ITGAM: variants seen among roughly 807,000 people sequenced by gnomAD.
ITGAM encodes integrin alpha-M.
ITGAM carries 79 observed loss-of-function variants against 137.5 expected under a neutral mutation model. The ratio of observed to expected loss-of-function variants is 0.57; its 90% confidence interval spans 0.48 to 0.69. The LOEUF is 0.69. Among genes scored for constraint, ITGAM ranks in the 30% least tolerant of loss-of-function variants. The pLI is 0.00. For missense variants in ITGAM, 1,343 were observed against 1,483.5 expected, an observed-to-expected ratio of 0.91 and a Z score of 1.56; for synonymous variants, 583 against 592.3, an observed-to-expected ratio of 0.98 and a Z score of 0.23.
At position 31,297,944 on chromosome 16, in the gene ITGAM, C is replaced by T. The variant is rs753778747; in HGVS notation, c.1697C>T (p.Ser566Phe). The change falls in exon 14 of 30, where the codon TCC (serine) becomes TTC (phenylalanine). Residue 566 changes from serine (S) to phenylalanine (F), a missense_variant. Transcript: ENST00000544665. The stretch of plus-strand genomic sequence containing the variant: ...ACCTCAGGATCTGGCATCAGCCCCT[C>T]CCATAGCCAGGTGAGACCTGGTCAC... ...HGTSGSGISP[S>F]HSQRIAGSKL... 7.1e-5 allele frequency: 114 copies of T among 1,613,390 alleles called. No homozygotes were observed. The highest frequency in any genetic ancestry group is 5.8e-4 in the Admixed American group (35 of 59,922).
chr16:31,320,461 A>G (rs966669044), intron 14 of ITGAM, among the ~76,000 whole-genome samples: 1 of 152,188 alleles, frequency 6.6e-6, no homozygotes, highest in Non-Finnish European at 1.5e-5. Flanking sequence ...ATTTTTTTCA[A>G]TATTACTCTT....
At position 31,271,156 on chromosome 16, in the gene ITGAM, G is replaced by A. The variant is rs2079835485; in HGVS notation, c.558+72G>A. 10 of 1,290,236 alleles carry A rather than the reference G, an allele frequency of 7.8e-6. No individual in the cohort carries two copies. The South Asian group carries it at 1.9e-4, about 25-fold the overall frequency. 79.9% of individuals were successfully genotyped at this position (1,290,236 alleles called of 1,614,324 possible). A position where few individuals can be genotyped will look rare whatever the true frequency, so the allele number is the denominator to read the frequency against. ...AGATACATGGCAACCGGGCCACCAT[G>A]TTCTCCTCCCAGTTCAACTGCAGAC... On this transcript the variant is annotated intron_variant, in intron 6 of 29. Coordinates refer to ENST00000544665, the MANE Select transcript of ITGAM (RefSeq NM_000632.4).
At position 31,271,051 on chromosome 16, in the gene ITGAM, T is replaced by C; in HGVS notation, c.525T>C (p.Thr175=). 1 of 1,580,104 alleles carries C rather than the reference T, an allele frequency of 6.3e-7. No homozygotes were observed. The highest frequency in any genetic ancestry group is 2.3e-5 in the East Asian group (1 of 43,196). The change falls in exon 6 of 30, where the codon ACT becomes ACC. Residue 175 remains threonine, a synonymous_variant. Transcript: ENST00000544665. ...DFRRMKEFVS[T]VMEQLKKSKT... ...GGCGGATGAAGGAGTTTGTCTCAAC[T>C]GTGATGGAGCAATTAAAAAAGTCCA... is the stretch of plus-strand genomic sequence containing the variant.
At chr16:31,285,457 C>T (rs1397904761) in intron 12 of ITGAM, among the ~76,000 whole-genome samples, 2 of 151,972 alleles carry the variant, frequency 1.3e-5, no homozygotes, top group African/African-American at 4.8e-5. Flanking sequence ...AACTCTGTCT[C>T]TACTAAAAAT....
intron 2 of ITGAM, among the ~76,000 whole-genome samples, chr16:31,262,337 ATCCTTCCTTCCTTCCTTCCT>A (rs71151462): frequency 0.025 from 2,202 of 89,092 alleles, 47 homozygotes; most frequent in Non-Finnish European, 0.033. Flanking sequence ...CCTCCCTTCC[ATCCTTCCTTCCTTCCTTCCT>A]TCCTTCCTTC....
intron 29 of ITGAM, 107 bp from the exon 30 acceptor site, chr16:31,331,529 C>G: frequency 1.5e-6 from 1 of 652,904 alleles, no homozygotes; most frequent in South Asian, 1.8e-5. Flanking sequence ...GCCCCGCCCT[C>G]CTGGGTCCCT....
intron 12 of ITGAM, among the ~76,000 whole-genome samples, chr16:31,280,664 A>T (rs1452967695): frequency 6.6e-6 from 1 of 152,232 alleles, no homozygotes; most frequent in Non-Finnish European, 1.5e-5. Context: ...TTCTAAATAT[A>T]CAATCATGTC....
intron 22 of ITGAM, among the ~76,000 whole-genome samples, chr16:31,327,698 G>A (rs926500943): frequency 3.3e-5 from 5 of 152,050 alleles, no homozygotes; most frequent in African/African-American, 4.8e-5. Flanking sequence ...AAGACAGAAG[G>A]CAGGAAGCAG....
intron 5 of ITGAM, among the ~76,000 whole-genome samples, chr16:31,270,130 C>CTTCCTCCTT (rs770982735): frequency 6.6e-5 from 6 of 90,748 alleles, no homozygotes; most frequent in Non-Finnish European, 1.2e-4. Flanking sequence ...TCCTTCCTTC[C>CTTCCTCCTT]TCCTTTGCTT....
At chr16:31,305,940 C>T (rs1450958777) in intron 14 of ITGAM, among the ~76,000 whole-genome samples, 2 of 151,732 alleles carry the variant, frequency 1.3e-5, no homozygotes, top group African/African-American at 4.8e-5. Context: ...TTTGTTATAT[C>T]CTTTTCTGGT....
chr16:31,261,825 C>T (rs1432369990), intron 2 of ITGAM, 28 bp downstream of exon 2: 1 of 1,445,580 alleles, frequency 6.9e-7, no homozygotes, highest in Non-Finnish European at 9.7e-7. Flanking sequence ...AGCCCCCTTT[C>T]TCAGTGCTTT....
intron 12 of ITGAM, among the ~76,000 whole-genome samples, chr16:31,290,481 A>G (rs1487249826): frequency 6.6e-6 from 1 of 152,204 alleles, no homozygotes; most frequent in Non-Finnish European, 1.5e-5. Context: ...AGAAGAAAAA[A>G]CATGTAACCA....
intron 14 of ITGAM, 51 bp from the exon 15 acceptor site, chr16:31,321,190 C>T: frequency 1.2e-6 from 2 of 1,604,484 alleles, no homozygotes; most frequent in African/African-American, 1.3e-5. Flanking sequence ...AGTTATACAT[C>T]TCCTGTCTTT....
chr16:31,270,103 A>ATCCTTCCTTCCTTCCTTCCTTCCT lies in ITGAM; in HGVS notation c.428-846_428-823dup, dbSNP rs371263313. 1.2e-3 allele frequency among the ~76,000 whole-genome samples: 170 copies of ATCCTTCCTTCCTTCCTTCCTTCCT among 140,074 alleles called. 2 individuals carry two copies. Among genetic ancestry groups the ATCCTTCCTTCCTTCCTTCCTTCCT allele is most frequent in the African/African-American group, 4.5e-3 (160 of 35,658 alleles). 91.9% of individuals were successfully genotyped at this position (140,074 alleles called of 152,430 possible). Reference sequence around the variant, plus strand: ...TCTACTCCTTTTGTATATCTGGCAAATCCTTCCTTCCTTCCTTCCTTCCTT... The same window carrying ATCCTTCCTTCCTTCCTTCCTTCCT: ...TCTACTCCTTTTGTATATCTGGCAAATCCTTCCTTCCTTCCTTCCTTCCTTCCTTCCTTCCTTCCTTCCTTCCTT... On this transcript the variant is annotated intron_variant, in intron 5 of 29. Coordinates refer to ENST00000544665, the MANE Select transcript of ITGAM (RefSeq NM_000632.4).
intron 14 of ITGAM, among the ~76,000 whole-genome samples, chr16:31,311,435 C>G (rs1459946223): frequency 1.3e-5 from 2 of 151,994 alleles, no homozygotes; most frequent in East Asian, 3.9e-4. Flanking sequence ...AACAAATTTA[C>G]AAGAAAAAAA....
intron 1 of ITGAM, 28 bp downstream of exon 1, chr16:31,260,120 G>A: frequency 6.8e-7 from 1 of 1,460,638 alleles, no homozygotes; most frequent in Non-Finnish European, 9.4e-7. Context: ...GGGGGACTCT[G>A]GGTGGGGAGG....
At chr16:31,300,855 T>A (rs1255443601) in intron 14 of ITGAM, among the ~76,000 whole-genome samples, 4 of 152,126 alleles carry the variant, frequency 2.6e-5, no homozygotes, top group Non-Finnish European at 4.4e-5. Flanking sequence ...GAGGTTGCAG[T>A]GAGCCGAGAT....
chr16:31,296,953 A>G (rs2080140693), intron 12 of ITGAM, among the ~76,000 whole-genome samples: 2 of 152,192 alleles, frequency 1.3e-5, no homozygotes, highest in Non-Finnish European at 1.5e-5. Context: ...CTTATTAGTC[A>G]GAGTGCCAAC....
chr16:31,319,471 T>C (rs1335928234), intron 14 of ITGAM, among the ~76,000 whole-genome samples: 1 of 152,220 alleles, frequency 6.6e-6, no homozygotes, highest in Non-Finnish European at 1.5e-5. Flanking sequence ...TTGTCTGATA[T>C]TAGCATGTCA....
Sources: gnomAD v4.1 joint callset for allele counts (sites outside exome capture counted in the v4.1 genomes callset) on GRCh38, gnomAD v4.1.1 for gene constraint, MANE v1.5 for transcripts, NCBI Gene and HGNC (gene_info 2026-07-23, HGNC 2026-07-21) for gene names.